FGF12: variants seen among roughly 807,000 people sequenced by gnomAD.
The protein encoded by FGF12 is fibroblast growth factor 12B.
In FGF12, 14 loss-of-function variants were observed where a neutral mutation model predicts 23.6. The ratio of observed to expected loss-of-function variants is 0.59; its 90% CI spans 0.39 to 0.93. The LOEUF is 0.93. Among genes scored for constraint, FGF12 ranks in the 40% least tolerant of loss-of-function variants. The probability of loss-of-function intolerance (pLI) is 0.00; values close to 1 mark genes in which losing one functional copy is unlikely to be tolerated. For missense variants in FGF12, 175 were observed against 217.8 expected (o/e 0.80, Z 1.24); for synonymous variants, 62 against 77.3 (o/e 0.80, Z 1.04).
chr3:192,400,600 G>A (rs1178286603), intron 2 of FGF12, among the ~76,000 whole-genome samples: 1 of 151,894 alleles, frequency 6.6e-6, no homozygotes, highest in Non-Finnish European at 1.5e-5. Context: ...AACTCCTGAC[G>A]TTGTGATCCA....
At chr3:192,161,999 A>G (rs1324573270) in intron 5 of FGF12, among the ~76,000 whole-genome samples, 1 of 152,172 alleles carries the variant, frequency 6.6e-6, no homozygotes, top group East Asian at 1.9e-4. Context: ...CTAAAACATT[A>G]AACTCTATAA....
intron 4 of FGF12, among the ~76,000 whole-genome samples, chr3:192,333,425 T>A (rs548640392): frequency 1.3e-5 from 2 of 152,252 alleles, no homozygotes; most frequent in South Asian, 2.1e-4. Flanking sequence ...TTGCCTTTTT[T>A]AATTTTAATT....
In FGF12 at chr3:192,203,936, A is replaced by G. The variant is rs114031387; in HGVS notation, c.229-33280T>C. The stretch of plus-strand genomic sequence containing the variant: ...TTCTTTACTATGATTTCAATTTTAG[A>G]CATGTCAGGGGCCTCCCTGAATAAC... On this transcript the variant is annotated intron_variant, in intron 4 of 5. Coordinates refer to ENST00000445105, the MANE Select transcript of FGF12 (RefSeq NM_004113.6). 2.1e-3 allele frequency among the ~76,000 whole-genome samples: 321 copies of G among 152,246 alleles called. 2 individuals are homozygous for G. Among genetic ancestry groups the G allele is most frequent in the African/African-American group, 7.0e-3 (290 of 41,548 alleles).
rs1026575244 is a variant in FGF12 at position 192,501,956 on chromosome 3, G to A, written c.14-141418C>T. ...TATAAATGAAGCAATATTTCATAAT[G>A]TCATTCTTTCCCAAACCTAAAACAT... On this transcript the variant is annotated intron_variant, in intron 2 of 5. Coordinates refer to ENST00000445105, the MANE Select transcript of FGF12 (RefSeq NM_004113.6). 2.6e-5 allele frequency among the ~76,000 whole-genome samples: 4 copies of A among 152,218 alleles called. No homozygotes were observed. In the South Asian group the frequency reaches 8.3e-4, roughly 32 times the overall value.
intron 2 of FGF12, among the ~76,000 whole-genome samples, chr3:192,505,071 G>A (rs969066767): frequency 1.3e-5 from 2 of 151,996 alleles, no homozygotes; most frequent in Non-Finnish European, 2.9e-5. Context: ...GGTACGTATG[G>A]TACAGACCTG....
intron 4 of FGF12, among the ~76,000 whole-genome samples, chr3:192,328,312 A>G (rs948157573): frequency 6.6e-6 from 1 of 152,328 alleles, no homozygotes; most frequent in East Asian, 1.9e-4. Flanking sequence ...GGGTCACACA[A>G]TATCTGTGGA....
At chr3:192,317,738 G>A (rs539981132) in intron 4 of FGF12, among the ~76,000 whole-genome samples, 9 of 152,280 alleles carry the variant, frequency 5.9e-5, no homozygotes, top group Non-Finnish European at 1.2e-4. Flanking sequence ...GTGAACATAG[G>A]TAGTAACCAG....
chr3:192,185,587 C>T (rs893236038), intron 4 of FGF12, among the ~76,000 whole-genome samples: 3 of 151,800 alleles, frequency 2.0e-5, no homozygotes, highest in Non-Finnish European at 2.9e-5. Flanking sequence ...ATAGGCCAGG[C>T]GTGGTGGCTC....
At chr3:192,293,938 C>T (rs1714896067) in intron 4 of FGF12, among the ~76,000 whole-genome samples, 1 of 152,122 alleles carries the variant, frequency 6.6e-6, no homozygotes, top group African/African-American at 2.4e-5. Context: ...TGTGTCCCTA[C>T]CCAAATCTCA....
At chr3:192,217,918 C>A (rs2108569508) in intron 4 of FGF12, among the ~76,000 whole-genome samples, 1 of 151,886 alleles carries the variant, frequency 6.6e-6, no homozygotes, top group East Asian at 1.9e-4. Flanking sequence ...CTCACCGCAA[C>A]CTCTGCCTCC....
At chr3:192,189,823 T>C (rs986271598) in intron 4 of FGF12, among the ~76,000 whole-genome samples, 5 of 152,342 alleles carry the variant, frequency 3.3e-5, no homozygotes, top group African/African-American at 1.2e-4. Context: ...TACTCTGTTA[T>C]GGCAGCCTTA....
chr3:192,629,921 A>G (rs1325384326), intron 2 of FGF12, among the ~76,000 whole-genome samples: 1 of 152,166 alleles, frequency 6.6e-6, no homozygotes, highest in Non-Finnish European at 1.5e-5. Flanking sequence ...CCTTATTAGC[A>G]ACTTAGTGCC....
chr3:192,207,374 T>C (rs779499048), intron 4 of FGF12, among the ~76,000 whole-genome samples: 1 of 152,180 alleles, frequency 6.6e-6, no homozygotes, highest in Non-Finnish European at 1.5e-5. Context: ...CAGATTGCTA[T>C]GACAATAAAG....
At chr3:192,182,366 G>T (rs1716228353) in intron 4 of FGF12, among the ~76,000 whole-genome samples, 1 of 151,738 alleles carries the variant, frequency 6.6e-6, no homozygotes, top group African/African-American at 2.4e-5. Context: ...ATTACTAATA[G>T]GGTTTTATTT....
intron 3 of FGF12, among the ~76,000 whole-genome samples, chr3:192,345,642 G>A (rs1317900969): frequency 4.8e-5 from 2 of 41,718 alleles, no homozygotes; most frequent in Non-Finnish European, 3.5e-5. Flanking sequence ...AGCCGAGATC[G>A]CGCCACTGCA....
chr3:192,676,063 T>C (rs1413395955), intron 2 of FGF12, among the ~76,000 whole-genome samples: 1 of 152,178 alleles, frequency 6.6e-6, no homozygotes, highest in Non-Finnish European at 1.5e-5. Flanking sequence ...GAAAGAAGCC[T>C]CTACTGGGAA....
At chr3:192,585,051 G>A (rs946337306) in intron 2 of FGF12, among the ~76,000 whole-genome samples, 1 of 152,116 alleles carries the variant, frequency 6.6e-6, no homozygotes, top group Non-Finnish European at 1.5e-5. Context: ...CTGGAAACAG[G>A]TTTATTCTGC....
intron 4 of FGF12, among the ~76,000 whole-genome samples, chr3:192,305,950 T>G (rs927629710): frequency 7.9e-6 from 1 of 127,326 alleles, no homozygotes; most frequent in African/African-American, 3.1e-5. Context: ...AAGCTCCACC[T>G]CCCAGGTTCA....
At position 192,512,835 on chromosome 3, in the gene FGF12, A is replaced by AATAAATATATATAT. The variant is rs35779279; in HGVS notation, c.14-152298_14-152297insATATATATATTTAT. On this transcript the variant is annotated intron_variant, in intron 2 of 5. Transcript: ENST00000445105. The stretch of plus-strand genomic sequence containing the variant: ...GTTAAACCTAGAGTATACTCAAATA[A>AATAAATATATATAT]ATATATATATATATATATATATATA... 2.7e-4 allele frequency among the ~76,000 whole-genome samples: 21 copies of AATAAATATATATAT among 76,758 alleles called. No individual in the cohort carries two copies. The East Asian group carries it at 3.7e-3, about 14-fold the overall frequency. 50.4% of individuals were successfully genotyped at this position (76,758 alleles called of 152,430 possible). A position where few individuals can be genotyped will look rare whatever the true frequency, so the allele number is the denominator to read the frequency against.
Sources: gnomAD v4.1 joint callset for allele counts (sites outside exome capture counted in the v4.1 genomes callset) on GRCh38, gnomAD v4.1.1 for gene constraint, MANE v1.5 for transcripts, NCBI Gene and HGNC (gene_info 2026-07-23, HGNC 2026-07-21) for gene names.